PRELID2: variants seen among roughly 807,000 people sequenced by gnomAD.
PRELID2 encodes the protein PRELI domain-containing protein 2.
A neutral mutation model predicts 28.4 loss-of-function variants in PRELID2; 25 were observed. That is an observed-to-expected ratio of 0.88 (90% CI 0.64 to 1.23). The LOEUF is 1.23. Among genes scored for constraint, PRELID2 ranks in the 50% most tolerant of loss-of-function variants. PRELID2 has a pLI of 0.00. For synonymous variants in PRELID2, 76 were observed against 71.6 expected (o/e 1.06, Z -0.31); for missense variants, 201 against 214.4 (o/e 0.94, Z 0.39).
chr5:145,771,326 G>A (rs537659275), intron 5 of PRELID2, among the ~76,000 whole-genome samples: 11 of 152,090 alleles, frequency 7.2e-5, no homozygotes, highest in South Asian at 6.2e-4. Context: ...TTGTGGACGT[G>A]CACTCTATGA....
intron 5 of PRELID2, among the ~76,000 whole-genome samples, chr5:145,773,363 A>G (rs143837615): frequency 3.0e-4 from 46 of 152,360 alleles, no homozygotes; most frequent in Middle Eastern, 3.4e-3. Context: ...TTTCTATTTT[A>G]CAAAGTTACT....
chr5:145,784,791 T>G (rs1444026389), intron 5 of PRELID2, among the ~76,000 whole-genome samples: 4 of 151,690 alleles, frequency 2.6e-5, no homozygotes, highest in African/African-American at 9.7e-5. Context: ...ACTTTGTTTT[T>G]TTTTTTTTTA....
chr5:145,270,759 G>A, the PRELID2 span, among the ~76,000 whole-genome samples: 1 of 152,114 alleles, frequency 6.6e-6, no homozygotes, highest in African/African-American at 2.4e-5. Flanking sequence ...ATGTAGAACT[G>A]TAAAATTAAT....
chr5:145,458,847 G>GA, the PRELID2 span, among the ~76,000 whole-genome samples: 8 of 151,986 alleles, frequency 5.3e-5, no homozygotes, highest in African/African-American at 1.9e-4. Flanking sequence ...ATCAATTAAA[G>GA]AAAAAAATCT....
At chr5:145,741,460 TTATA>T (rs1235387150) in intron 1 of PRELID2, among the ~76,000 whole-genome samples, 1 of 45,878 alleles carries the variant, frequency 2.2e-5, no homozygotes, top group Non-Finnish European at 4.3e-5. Context: ...AATAATTTAT[TTATA>T]TATAAACAAA....
At chr5:145,811,907 A>G (rs1753970206) in intron 4 of PRELID2, among the ~76,000 whole-genome samples, 1 of 152,150 alleles carries the variant, frequency 6.6e-6, no homozygotes. Flanking sequence ...CCAAGAAAAC[A>G]TGAAGAGGAA....
chr5:145,672,340 G>C (rs1375922615), intron 1 of PRELID2, among the ~76,000 whole-genome samples: 2 of 152,004 alleles, frequency 1.3e-5, no homozygotes, highest in Non-Finnish European at 2.9e-5. Context: ...CTGTAATTTG[G>C]GGGCCATTAC....
the PRELID2 span, among the ~76,000 whole-genome samples, chr5:145,416,231 T>C: frequency 6.6e-6 from 1 of 151,860 alleles, no homozygotes; most frequent in Admixed American, 6.6e-5. Context: ...AAGCTGAAAC[T>C]GGATCCCTTC....
chr5:145,550,189 T>C (rs1752822677), intron 1 of PRELID2, among the ~76,000 whole-genome samples: 1 of 152,186 alleles, frequency 6.6e-6, no homozygotes, highest in Non-Finnish European at 1.5e-5. Flanking sequence ...TGGTATGAAC[T>C]AGACCTAGAG....
the PRELID2 span, among the ~76,000 whole-genome samples, chr5:145,375,533 C>T: frequency 6.6e-6 from 1 of 152,064 alleles, no homozygotes; most frequent in Non-Finnish European, 1.5e-5. Flanking sequence ...GGGGTAAACT[C>T]GCTCATCTGG....
At chr5:145,438,270 A>G in the PRELID2 span, among the ~76,000 whole-genome samples, 4 of 152,184 alleles carry the variant, frequency 2.6e-5, no homozygotes, top group African/African-American at 9.6e-5. Context: ...GAAAAAATAG[A>G]AAAGAAAAAA....
the PRELID2 span, among the ~76,000 whole-genome samples, chr5:145,395,663 T>C: frequency 1.2e-4 from 19 of 152,194 alleles, no homozygotes; most frequent in African/African-American, 4.6e-4. Flanking sequence ...TCTGATGTTA[T>C]GCAACATAAT....
chr5:145,271,493 G>A, the PRELID2 span, among the ~76,000 whole-genome samples: 1 of 152,070 alleles, frequency 6.6e-6, no homozygotes, highest in African/African-American at 2.4e-5. Context: ...TGGGATTATA[G>A]GTGAGCCCCC....
At chr5:145,582,878 C>T (rs950508174) in intron 1 of PRELID2, among the ~76,000 whole-genome samples, 2 of 152,140 alleles carry the variant, frequency 1.3e-5, no homozygotes, top group African/African-American at 4.8e-5. Flanking sequence ...CAAAGAAGAG[C>T]TGGTACCATT....
chr5:145,408,178 T>G, the PRELID2 span, among the ~76,000 whole-genome samples: 1 of 152,122 alleles, frequency 6.6e-6, no homozygotes, highest in African/African-American at 2.4e-5. Context: ...ATCTTTCCAC[T>G]GAAACAGTCT....
intron 1 of PRELID2, among the ~76,000 whole-genome samples, chr5:145,633,899 A>G (rs1252695274): frequency 6.6e-6 from 1 of 152,174 alleles, no homozygotes; most frequent in East Asian, 1.9e-4. Context: ...CAAGGATGCA[A>G]AAGCCATGTT....
the PRELID2 span, among the ~76,000 whole-genome samples, chr5:145,403,610 G>A: frequency 2.6e-5 from 4 of 152,158 alleles, 1 homozygote; most frequent in East Asian, 3.9e-4. Flanking sequence ...GTAAAAGAAG[G>A]AAAGTTTATA....
intron 1 of PRELID2, among the ~76,000 whole-genome samples, chr5:145,600,434 A>AAAAAAAATAT (rs1315631607): frequency 1.7e-5 from 2 of 120,116 alleles, no homozygotes; most frequent in African/African-American, 8.2e-5. Context: ...AAAAAAAAAA[A>AAAAAAAATAT]ATATATATAT....
the PRELID2 span, among the ~76,000 whole-genome samples, chr5:145,291,240 G>A: frequency 2.1e-4 from 31 of 150,468 alleles, no homozygotes; most frequent in Non-Finnish European, 3.5e-4. Context: ...CGGAGGCTGA[G>A]GCAGGAGAAT....
Sources: gnomAD v4.1 joint callset for allele counts (sites outside exome capture counted in the v4.1 genomes callset) on GRCh38, gnomAD v4.1.1 for gene constraint, MANE v1.5 for transcripts, NCBI Gene and HGNC (gene_info 2026-07-23, HGNC 2026-07-21) for gene names.